Variants in PDE4D observed in about 807,000 individuals in gnomAD.
PDE4D encodes phosphodiesterase 4D.
Under a neutral mutation model 87.4 loss-of-function variants are expected in PDE4D, and 24 were observed. The ratio of observed to expected loss-of-function variants is 0.27; its 90% CI spans 0.20 to 0.39. The LOEUF (loss-of-function observed/expected upper bound fraction) is 0.39. Among genes scored for constraint, PDE4D ranks in the 10% least tolerant of loss-of-function variants. The pLI is 1.00. For missense variants in PDE4D, 714 were observed against 1,041.0 expected (o/e 0.69, Z 4.32); for synonymous variants, 384 against 383.2 (o/e 1.00, Z -0.02).
At position 60,314,967 on chromosome 5, in the gene PDE4D, A is replaced by AGG. The variant is rs1755417515; in HGVS notation, c.-89-129281_-89-129280insCC. Among the ~76,000 whole-genome samples the AGG allele has an allele frequency of 3.9e-5, 6 of 152,194 alleles. No individual in the cohort carries two copies. In the South Asian group the frequency reaches 1.0e-3, roughly 26 times the overall value. ...AACATACGTGTGCATGTGTCTTTATAGCAGCATGATTTATAATCCTTTGGG... is the reference window on the plus strand; with the variant it reads ...AACATACGTGTGCATGTGTCTTTATAGGGCAGCATGATTTATAATCCTTTGGG... On this transcript the variant is annotated intron_variant, in intron 1 of 16. Transcript: ENST00000502484.
intron 1 of PDE4D, among the ~76,000 whole-genome samples, chr5:60,394,011 T>G (rs1310134431): frequency 1.3e-5 from 2 of 152,220 alleles, no homozygotes; most frequent in African/African-American, 4.8e-5. Flanking sequence ...ATATAACCTC[T>G]TATTTTTTGC....
intron 1 of PDE4D, among the ~76,000 whole-genome samples, chr5:59,807,604 C>T (rs1767884590): frequency 6.6e-6 from 1 of 152,138 alleles, no homozygotes; most frequent in Non-Finnish European, 1.5e-5. Flanking sequence ...ATTGGAATTG[C>T]TGAATTGGAA....
chr5:59,971,352 T>TAAA (rs918699195), intron 3 of PDE4D, among the ~76,000 whole-genome samples: 1 of 52,968 alleles, frequency 1.9e-5, no homozygotes, highest in Non-Finnish European at 5.0e-5. Flanking sequence ...AAACTTAAAG[T>TAAA]ATAATAATAA....
chr5:60,205,354 C>T (rs1014903518), intron 1 of PDE4D, among the ~76,000 whole-genome samples: 2 of 152,178 alleles, frequency 1.3e-5, no homozygotes, highest in African/African-American at 2.4e-5. Flanking sequence ...GTACATTGCA[C>T]TCTGCTTGCA....
chr5:59,894,933 T>A (rs1024896494), upstream of PDE4D, among the ~76,000 whole-genome samples: 30 of 152,302 alleles, frequency 2.0e-4, no homozygotes, highest in African/African-American at 6.7e-4. Flanking sequence ...TACTTAAAGA[T>A]GAAATGCAAT....
intron 1 of PDE4D, among the ~76,000 whole-genome samples, chr5:59,677,230 G>T (rs911072875): frequency 2.0e-5 from 3 of 151,994 alleles, no homozygotes; most frequent in African/African-American, 7.3e-5. Context: ...AAAGGCAAAT[G>T]CTGGGGGGAA....
At chr5:59,904,501 G>A (rs1581678546) in intron 3 of PDE4D, among the ~76,000 whole-genome samples, 1 of 152,154 alleles carries the variant, frequency 6.6e-6, no homozygotes, top group Admixed American at 6.6e-5. Context: ...CCTCCAAAAT[G>A]CAATTTCTAA....
intron 2 of PDE4D, among the ~76,000 whole-genome samples, chr5:60,073,875 A>T (rs898405757): frequency 1.3e-5 from 2 of 151,952 alleles, no homozygotes; most frequent in African/African-American, 2.4e-5. Flanking sequence ...AGTGGTAATT[A>T]CTATCTTATT....
At chr5:59,807,980 ATCAT>A (rs1313478472) in intron 1 of PDE4D, among the ~76,000 whole-genome samples, 4 of 152,214 alleles carry the variant, frequency 2.6e-5, no homozygotes, top group Admixed American at 6.5e-5. Flanking sequence ...ATGGATGCCC[ATCAT>A]TCATTTGCCT....
At chr5:60,396,598 C>T (rs1300054054) in intron 1 of PDE4D, among the ~76,000 whole-genome samples, 1 of 152,090 alleles carries the variant, frequency 6.6e-6, no homozygotes, top group South Asian at 2.1e-4. Flanking sequence ...TCACTGCAGC[C>T]TCAAACTCCT....
At chr5:59,485,644 T>A (rs1805003263) in intron 1 of PDE4D, among the ~76,000 whole-genome samples, 1 of 152,026 alleles carries the variant, frequency 6.6e-6, no homozygotes, top group African/African-American at 2.4e-5. Flanking sequence ...TACACAATCT[T>A]ACTGCAGAAT....
chr5:59,821,318 T>C (rs12523468), intron 1 of PDE4D, among the ~76,000 whole-genome samples: 39,561 of 151,722 alleles, frequency 0.26, 5,538 homozygotes, highest in Admixed American at 0.35. Context: ...AAAAACAAAT[T>C]TTAAGAGGAA....
intron 1 of PDE4D, among the ~76,000 whole-genome samples, chr5:59,777,764 A>T (rs1264105695): frequency 6.6e-6 from 1 of 152,236 alleles, no homozygotes; most frequent in African/African-American, 2.4e-5. Flanking sequence ...TATTATAATA[A>T]ATCATGCAAT....
chr5:59,348,115 T>C (rs1779899778), intron 1 of PDE4D, among the ~76,000 whole-genome samples: 1 of 152,100 alleles, frequency 6.6e-6, no homozygotes, highest in African/African-American at 2.4e-5. Flanking sequence ...TTTTTAGGAG[T>C]ATTTATAAGT....
rs562294490 is a variant in PDE4D at position 59,762,376 on chromosome 5, G to GCA, written c.455+130791_455+130792insTG. On this transcript the variant is annotated intron_variant, in intron 1 of 14. Transcript: ENST00000340635. The stretch of plus-strand genomic sequence containing the variant: ...TATATGTGTATATGGGTACACATGT[G>GCA]TATATGTGTATATGGGTACACATGT... 1.4e-4 allele frequency among the ~76,000 whole-genome samples: 18 copies of GCA among 125,132 alleles called. 1 individual carries two copies. In the South Asian group the frequency reaches 1.6e-3, roughly 11 times the overall value. 82.1% of individuals were successfully genotyped at this position (125,132 alleles called of 152,430 possible).
At position 59,039,423 on chromosome 5, in the gene PDE4D, G is replaced by A; in HGVS notation, c.809-452C>T. 6.0e-6 allele frequency: 6 copies of A among 994,538 alleles called. No homozygotes were observed. The South Asian group carries it at 2.6e-4, about 43-fold the overall frequency. 61.6% of individuals were successfully genotyped at this position (994,538 alleles called of 1,614,324 possible). On this transcript the variant is annotated intron_variant, in intron 5 of 14. Coordinates refer to ENST00000340635, the MANE Select transcript of PDE4D (RefSeq NM_001104631.2). ...GGATCTCCTCGGTCCCCAACCCGGA[G>A]CCGCGGCCCCACGCCCGCCCCGCCT...
chr5:60,074,750 T>C (rs1773096585), intron 2 of PDE4D, among the ~76,000 whole-genome samples: 1 of 152,228 alleles, frequency 6.6e-6, no homozygotes, highest in Admixed American at 6.5e-5. Flanking sequence ...ACCTTTACCA[T>C]TACATAATAT....
At chr5:59,895,924 T>A (rs13175909), upstream of PDE4D, among the ~76,000 whole-genome samples, 27,025 of 152,204 alleles carry the variant, frequency 0.18, 3,327 homozygotes, top group African/African-American at 0.36. Flanking sequence ...CACTGATTTT[T>A]AAAAATTCTT....
chr5:60,185,192 T>A (rs1235815181), intron 2 of PDE4D, among the ~76,000 whole-genome samples: 4 of 152,176 alleles, frequency 2.6e-5, no homozygotes, highest in Non-Finnish European at 5.9e-5. Context: ...ATAAGTATAA[T>A]TTATGCTTTT....
Sources: allele counts gnomAD v4.1 joint callset (sites outside exome capture counted in the v4.1 genomes callset), GRCh38; gene constraint gnomAD v4.1.1; transcripts MANE v1.5; gene names NCBI Gene and HGNC (gene_info 2026-07-23, HGNC 2026-07-21).